ERC1: variants seen among roughly 807,000 people sequenced by gnomAD.
ERC1 encodes the protein ELKS/RAB6-interacting/CAST family member 1.
Under a neutral mutation model 132.0 loss-of-function variants are expected in ERC1, and 56 were observed. The ratio of observed to expected loss-of-function variants is 0.42; its 90% CI spans 0.34 to 0.53. ERC1 has a LOEUF of 0.53. ERC1 is among the 20% of genes least tolerant of loss of function. ERC1 has a pLI of 0.03. For missense variants in ERC1, 1,202 were observed against 1,349.9 expected, an observed-to-expected ratio of 0.89 and a Z score of 1.72; for synonymous variants, 478 against 476.1, an observed-to-expected ratio of 1.00 and a Z score of -0.05.
chr12:1,004,854 AT>A (rs754999759), intron 1 of ERC1, among the ~76,000 whole-genome samples: 8 of 121,574 alleles, frequency 6.6e-5, no homozygotes, highest in Admixed American at 5.0e-4. Flanking sequence ...GTGTGTATAA[AT>A]TTTTTTTTTC....
intron 8 of ERC1, among the ~76,000 whole-genome samples, chr12:1,165,361 A>G (rs1026529227): frequency 2.6e-4 from 40 of 151,366 alleles, no homozygotes; most frequent in African/African-American, 9.0e-4. Context: ...GCTGGAGTGC[A>G]GTGGCGCGAT....
intron 16 of ERC1, among the ~76,000 whole-genome samples, chr12:1,394,486 A>G (rs549974531): frequency 6.6e-5 from 10 of 152,276 alleles, no homozygotes; most frequent in African/African-American, 2.4e-4. Context: ...ACTCAGTGAT[A>G]TGGTTTGGCT....
intron 7 of ERC1, among the ~76,000 whole-genome samples, chr12:1,126,833 A>C (rs1206264521): frequency 6.6e-6 from 1 of 151,818 alleles, no homozygotes; most frequent in Non-Finnish European, 1.5e-5. Flanking sequence ...ACTAAAAATA[A>C]AAAAATTAGC....
intron 1 of ERC1, among the ~76,000 whole-genome samples, chr12:1,015,284 C>T (rs1292683674): frequency 6.6e-6 from 1 of 152,024 alleles, no homozygotes; most frequent in East Asian, 1.9e-4. Context: ...GTCTTGAACT[C>T]CTGACCTCAA....
chr12:1,408,546 CTT>C (rs1285095061), intron 17 of ERC1, among the ~76,000 whole-genome samples: 1 of 152,118 alleles, frequency 6.6e-6, no homozygotes, highest in Non-Finnish European at 1.5e-5. Context: ...TTTTAACTGT[CTT>C]TACTAATTTT....
intron 15 of ERC1, among the ~76,000 whole-genome samples, chr12:1,310,431 A>T (rs906792314): frequency 1.3e-5 from 2 of 151,826 alleles, no homozygotes; most frequent in Non-Finnish European, 2.9e-5. Context: ...CTCGTCTCGA[A>T]CTCCTGACCT....
intron 16 of ERC1, among the ~76,000 whole-genome samples, chr12:1,388,136 C>T (rs1286238751): frequency 1.3e-5 from 2 of 151,916 alleles, no homozygotes; most frequent in Admixed American, 6.6e-5. Context: ...CCGAGGCGGG[C>T]GGATCAGGAG....
At chr12:1,488,685 ACTT>A (rs1440714849) in intron 18 of ERC1, among the ~76,000 whole-genome samples, 2 of 152,152 alleles carry the variant, frequency 1.3e-5, no homozygotes, top group Non-Finnish European at 2.9e-5. Context: ...TCTTAACTAG[ACTT>A]TATATTCCAT....
intron 2 of ERC1, among the ~76,000 whole-genome samples, chr12:1,071,548 GT>G (rs11340829): frequency 0.31 from 44,935 of 147,274 alleles, 6,866 homozygotes; most frequent in African/African-American, 0.32. Context: ...CTTTTAAAAA[GT>G]TTTTTTTTTT....
At chr12:1,276,142 CT>C (rs1449417926) in intron 14 of ERC1, among the ~76,000 whole-genome samples, 1 of 152,068 alleles carries the variant, frequency 6.6e-6, no homozygotes, top group African/African-American at 2.4e-5. Flanking sequence ...ACCTTATTCC[CT>C]TGTCTGGAAA....
At chr12:1,062,038 T>C (rs1938082233) in intron 2 of ERC1, among the ~76,000 whole-genome samples, 1 of 145,424 alleles carries the variant, frequency 6.9e-6, no homozygotes, top group African/African-American at 2.6e-5. Context: ...TCACCCAGGC[T>C]GGAGTGCAGT....
At chr12:1,485,258 G>T (rs796535354) in intron 18 of ERC1, among the ~76,000 whole-genome samples, 8 of 140,744 alleles carry the variant, frequency 5.7e-5, no homozygotes, top group South Asian at 2.3e-4. Context: ...AGGCTGGAGT[G>T]CAGTGGCGTG....
chr12:1,299,194 A>G (rs1206740242), intron 15 of ERC1, among the ~76,000 whole-genome samples: 1 of 152,194 alleles, frequency 6.6e-6, no homozygotes, highest in African/African-American at 2.4e-5. Flanking sequence ...CATTTATAGA[A>G]TACTACATCT....
Position 1,490,271 on chromosome 12 carries a change from C to G in ERC1, c.*41C>G, listed in dbSNP as rs532918833. On this transcript the variant is annotated 3_prime_UTR_variant, in exon 19 of 19. Transcript: ENST00000360905. ...AAGCCTGAGGTAGTCAACCCAGGAGCCAAGAAAAGAGAACTACGAGGAACA... is the reference window on the plus strand; with the variant it reads ...AAGCCTGAGGTAGTCAACCCAGGAGGCAAGAAAAGAGAACTACGAGGAACA... The G allele has an allele frequency of 1.3e-6, 2 of 1,594,592 alleles. No individual in the cohort carries two copies. Among genetic ancestry groups the G allele is most frequent in the East Asian group, 2.2e-5 (1 of 44,528 alleles).
intron 17 of ERC1, among the ~76,000 whole-genome samples, chr12:1,424,864 C>CGATCGATAGATA (rs758310289): frequency 8.9e-5 from 9 of 101,044 alleles, no homozygotes; most frequent in South Asian, 3.5e-4. Flanking sequence ...ATAGATAGAT[C>CGATCGATAGATA]GATAGATAGA....
rs748298110 is a variant in ERC1, at chr12:1,180,600, C to A, written c.1798C>A (p.Arg600=). Residue 600 remains arginine (R), a synonymous_variant, in exon 9 of 19, where the codon CGG becomes AGG. Transcript: ENST00000360905. The part of the protein sequence containing the change: ...KEKQMSSLKE[R]VKSLQADTTN... ...AAAGCAGATGAGCAGCTTGAAAGAA[C>A]GGGTCAAATCCTTGCAGGCTGACAC... The A allele has an allele frequency of 1.2e-6, 2 of 1,614,014 alleles. No individual in the cohort carries two copies. The highest frequency in any genetic ancestry group is 8.5e-7 in the Non-Finnish European group (1 of 1,179,986).
At chr12:1,343,648 G>A (rs2084135238) in intron 15 of ERC1, among the ~76,000 whole-genome samples, 1 of 152,044 alleles carries the variant, frequency 6.6e-6, no homozygotes, top group South Asian at 2.1e-4. Context: ...CGGAACATCT[G>A]TGCCACTTAC....
At chr12:1,294,528 G>A (rs528724075) in intron 15 of ERC1, among the ~76,000 whole-genome samples, 2 of 152,266 alleles carry the variant, frequency 1.3e-5, no homozygotes, top group South Asian at 4.1e-4. Context: ...GTGCTTACCT[G>A]TGTAGGGATG....
chr12:1,169,102 G>C (rs1952772079), intron 8 of ERC1, among the ~76,000 whole-genome samples: 1 of 152,162 alleles, frequency 6.6e-6, no homozygotes, highest in South Asian at 2.1e-4. Flanking sequence ...TAAAATATGT[G>C]TATGGTTCAA....
Sources: gnomAD v4.1 joint callset for allele counts (sites outside exome capture counted in the v4.1 genomes callset) on GRCh38, gnomAD v4.1.1 for gene constraint, MANE v1.5 for transcripts, NCBI Gene and HGNC (gene_info 2026-07-23, HGNC 2026-07-21) for gene names.